CPXM2: variants seen among roughly 807,000 people sequenced by gnomAD.
The protein encoded by CPXM2 is carboxypeptidase X, M14 family member 2.
In CPXM2, 66 loss-of-function variants were observed where a neutral mutation model predicts 86.1. The observed-to-expected ratio is 0.77, with a 90% confidence interval of 0.63 to 0.94. CPXM2 has a LOEUF of 0.94. Among genes scored for constraint, CPXM2 ranks in the 40% least tolerant of loss-of-function variants. The pLI is 0.00. For missense variants in CPXM2, 948 were observed against 1,026.3 expected (o/e 0.92, Z 1.04); for synonymous variants, 388 against 400.2 (o/e 0.97, Z 0.36).
rs191996893 is a variant in CPXM2, at chr10:123,769,947, T to A, written c.1102+969A>T. Among the ~76,000 whole-genome samples, 395 of 152,316 alleles carry A rather than the reference T, an allele frequency of 2.6e-3. 2 individuals are homozygous for A. Among genetic ancestry groups the A allele is most frequent in the Admixed American group, 0.011 (174 of 15,306 alleles). ...CAAAGCTGCTGCTTTTGAGGAAATG[T>A]GATTTTACCAGCAGATAAAGTTTTT... On this transcript the variant is annotated intron_variant, in intron 8 of 13. Transcript: ENST00000241305.
chr10:123,914,639 G>A (rs1250739467), intron 2 of CPXM2, among the ~76,000 whole-genome samples: 2 of 152,064 alleles, frequency 1.3e-5, no homozygotes, highest in African/African-American at 2.4e-5. Flanking sequence ...CAGAAGCCTG[G>A]CACCCGGGCC....
At chr10:123,778,523 G>A (rs955394280) in intron 7 of CPXM2, among the ~76,000 whole-genome samples, 3 of 152,160 alleles carry the variant, frequency 2.0e-5, no homozygotes, top group Non-Finnish European at 4.4e-5. Flanking sequence ...GGCTCCAGTA[G>A]TGATCAGTCG....
intron 4 of CPXM2, among the ~76,000 whole-genome samples, chr10:123,828,677 C>T (rs929053702): frequency 2.6e-5 from 4 of 152,182 alleles, no homozygotes; most frequent in African/African-American, 9.7e-5. Flanking sequence ...CAAACTAATA[C>T]ACAAACCTTG....
At chr10:123,821,786 T>C (rs558687456) in intron 4 of CPXM2, among the ~76,000 whole-genome samples, 3 of 152,300 alleles carry the variant, frequency 2.0e-5, no homozygotes, top group Admixed American at 2.0e-4. Flanking sequence ...AGACAGACTC[T>C]CATAGCAAAG....
chr10:123,807,543 T>G (rs1307509671), intron 4 of CPXM2, among the ~76,000 whole-genome samples: 1 of 152,146 alleles, frequency 6.6e-6, no homozygotes, highest in East Asian at 1.9e-4. Context: ...TACTCAAGGT[T>G]TTTACAGGTT....
chr10:123,761,459 C>T (rs1175396523), intron 11 of CPXM2, among the ~76,000 whole-genome samples: 1 of 152,200 alleles, frequency 6.6e-6, no homozygotes, highest in Non-Finnish European at 1.5e-5. Context: ...AGCGCCAGCA[C>T]CAGCATGCTC....
intron 2 of CPXM2, among the ~76,000 whole-genome samples, chr10:123,906,005 C>A (rs1446714207): frequency 6.6e-6 from 1 of 152,184 alleles, no homozygotes. Context: ...CTTCCTTCGG[C>A]CAGTGACGCC....
intron 1 of CPXM2, among the ~76,000 whole-genome samples, chr10:123,886,422 C>CT (rs1213737270): frequency 6.6e-6 from 1 of 152,148 alleles, no homozygotes; most frequent in African/African-American, 2.4e-5. Flanking sequence ...ACAGAAAAGG[C>CT]TTTGTTTACA....
At chr10:123,752,746 C>T (rs1352968397) in intron 13 of CPXM2, 1 of 270,152 alleles carries the variant, frequency 3.7e-6, no homozygotes, top group Non-Finnish European at 5.7e-6. Flanking sequence ...AATCATAGCT[C>T]TGCCACTCAC....
chr10:123,841,089 G>C (rs1054846371), intron 4 of CPXM2, among the ~76,000 whole-genome samples: 1 of 152,198 alleles, frequency 6.6e-6, no homozygotes, highest in African/African-American at 2.4e-5. Flanking sequence ...ATGTTCACGC[G>C]TGGGGCATTT....
At position 123,842,495 on chromosome 10, in the gene CPXM2, A is replaced by G. The variant is rs746751540; in HGVS notation, c.514-7T>C. On this transcript the variant is annotated splice_region_variant and splice_polypyrimidine_tract_variant and intron_variant, in intron 3 of 13. Coordinates refer to ENST00000241305, the MANE Select transcript of CPXM2 (RefSeq NM_198148.3). ...CATTTTCATTAATGCCCGCCTAGAA[A>G]GAAAGAAAGCGGTGTTCTTCAAAAA... is the stretch of plus-strand genomic sequence containing the variant. 1 of 1,614,044 alleles carries G rather than the reference A, an allele frequency of 6.2e-7. No individual in the cohort carries two copies. Among genetic ancestry groups the G allele is most frequent in the East Asian group, 2.2e-5 (1 of 44,886 alleles).
Position 123,762,078 on chromosome 10 carries a change from G to GCCA in CPXM2, c.1568_1570dup (p.Val523dup). On this transcript the variant is annotated inframe_insertion, in exon 11 of 14. Transcript: ENST00000241305. ...GGACCGCACCAGGTCGTAGGGGTAC[G>GCCA]CCACCACCAGCTCGCCGCCCTGCAG... 2 of 1,614,088 alleles carry GCCA rather than the reference G, an allele frequency of 1.2e-6. No homozygotes were observed. Among genetic ancestry groups the GCCA allele is most frequent in the Non-Finnish European group, 1.7e-6 (2 of 1,180,016 alleles).
chr10:123,747,349 G>A (rs191407020), intron 13 of CPXM2, among the ~76,000 whole-genome samples: 159 of 152,264 alleles, frequency 1.0e-3, no homozygotes, highest in Non-Finnish European at 2.5e-4. Context: ...GTATGCCCTC[G>A]CCACAAAATG....
Position 123,762,019 on chromosome 10 carries a change from C to CG in CPXM2, c.1629dup (p.Asp544ArgfsTer71). The CG allele has an allele frequency of 1.2e-6, 2 of 1,613,638 alleles. No homozygotes were observed. The highest frequency in any genetic ancestry group is 1.7e-5 in the Admixed American group (1 of 59,992). On this transcript the variant is annotated frameshift_variant, in exon 11 of 14. Transcript: ENST00000241305. LOFTEE classifies it high-confidence loss of function. ...GCCAGCCAGCGGAACACGTGGTCGT[C>CG]GGGGGTGGGGGTGTGTTCCTGCGTC...
At chr10:123,937,110 C>T (rs1044866448) in intron 2 of CPXM2, among the ~76,000 whole-genome samples, 4 of 152,214 alleles carry the variant, frequency 2.6e-5, no homozygotes, top group Admixed American at 6.5e-5. Context: ...AGGGATCAGC[C>T]TTCCTGACCA....
chr10:123,862,544 T>G, intron 3 of CPXM2, 70 bp downstream of exon 3: 1 of 1,367,748 alleles, frequency 7.3e-7, no homozygotes, highest in Non-Finnish European at 1.0e-6. Flanking sequence ...GCGCATTGCC[T>G]GATCCAAGCT....
At chr10:123,805,173 T>C (rs866926937) in intron 4 of CPXM2, among the ~76,000 whole-genome samples, 2 of 151,998 alleles carry the variant, frequency 1.3e-5, no homozygotes, top group South Asian at 2.1e-4. Context: ...CTGTATCATG[T>C]CAACATTCAA....
At chr10:123,829,390 G>A (rs75959952) in intron 4 of CPXM2, among the ~76,000 whole-genome samples, 2 of 119,430 alleles carry the variant, frequency 1.7e-5, no homozygotes, top group Non-Finnish European at 3.4e-5. Context: ...TTTTTTTTTT[G>A]AGACAGAGTC....
chr10:123,795,492 C>A (rs76216261), intron 6 of CPXM2, among the ~76,000 whole-genome samples: 1 of 152,072 alleles, frequency 6.6e-6, no homozygotes, highest in African/African-American at 2.4e-5. Context: ...AGTGCAGACT[C>A]GGAGAGGCTA....
Sources: gnomAD v4.1 joint callset for allele counts (sites outside exome capture counted in the v4.1 genomes callset) on GRCh38, gnomAD v4.1.1 for gene constraint, MANE v1.5 for transcripts, NCBI Gene and HGNC (gene_info 2026-07-23, HGNC 2026-07-21) for gene names.